Variants in TMEM232 observed in about 807,000 individuals in gnomAD.
The protein encoded by TMEM232 is transmembrane protein 232.
Under a neutral mutation model 78.8 loss-of-function variants are expected in TMEM232, and 80 were observed. The observed-to-expected ratio is 1.01, with a 90% CI of 0.85 to 1.22. TMEM232 has a LOEUF of 1.22. Ranked by LOEUF, TMEM232 falls within the 50% of genes most tolerant of loss-of-function variation. The probability of loss-of-function intolerance (pLI) is 0.00; values close to 1 mark genes in which losing one functional copy is unlikely to be tolerated. For missense variants in TMEM232, 881 were observed against 742.2 expected, an observed-to-expected ratio of 1.19 and a Z score of -2.17; for synonymous variants, 297 against 254.3, an observed-to-expected ratio of 1.17 and a Z score of -1.60.
intron 1 of TMEM232, among the ~76,000 whole-genome samples, chr5:110,720,218 C>A (rs1215097258): frequency 6.6e-6 from 1 of 152,030 alleles, no homozygotes; most frequent in Non-Finnish European, 1.5e-5. Flanking sequence ...TCTTGGCTTG[C>A]CTCTTCTCTT....
chr5:110,614,615 C>T (rs1376011517), intron 8 of TMEM232, among the ~76,000 whole-genome samples: 1 of 152,004 alleles, frequency 6.6e-6, no homozygotes, highest in African/African-American at 2.4e-5. Flanking sequence ...ACTGTTTCTG[C>T]AATCATTTAT....
At chr5:110,515,757 T>C (rs1252408355) in intron 12 of TMEM232, among the ~76,000 whole-genome samples, 2 of 152,232 alleles carry the variant, frequency 1.3e-5, no homozygotes, top group African/African-American at 4.8e-5. Context: ...CTCCTGCTTC[T>C]ACTACTACGG....
intron 1 of TMEM232, among the ~76,000 whole-genome samples, chr5:110,692,276 T>G (rs1275233377): frequency 6.6e-6 from 1 of 152,126 alleles, no homozygotes; most frequent in Non-Finnish European, 1.5e-5. Flanking sequence ...GTCCTCAAAC[T>G]TGGATCAGAA....
chr5:110,738,879 C>A, upstream of TMEM232: 1 of 979,128 alleles, frequency 1.0e-6, no homozygotes, highest in Non-Finnish European at 1.4e-6. Context: ...TCCCTAACGA[C>A]AACAAACTTT....
intron 11 of TMEM232, among the ~76,000 whole-genome samples, chr5:110,546,596 T>C (rs987200389): frequency 5.3e-5 from 8 of 152,138 alleles, no homozygotes; most frequent in African/African-American, 7.2e-5. Context: ...GAACAAAGGT[T>C]GTGCCATAAA....
At chr5:110,390,323 G>A (rs887391898) in intron 4 of TMEM232, 1 of 152,178 alleles carries the variant, frequency 6.6e-6, no homozygotes, top group African/African-American at 2.4e-5. Context: ...TCTACTCCCT[G>A]CCAGTGAAAA....
At chr5:110,527,287 G>A (rs1770737841) in intron 12 of TMEM232, among the ~76,000 whole-genome samples, 1 of 151,764 alleles carries the variant, frequency 6.6e-6, no homozygotes, top group Non-Finnish European at 1.5e-5. Flanking sequence ...AATATACTGT[G>A]GCAATAGTTA....
chr5:110,670,190 T>C (rs1045505353), intron 1 of TMEM232, among the ~76,000 whole-genome samples: 1 of 152,158 alleles, frequency 6.6e-6, no homozygotes, highest in African/African-American at 2.4e-5. Flanking sequence ...GGAAGTCAAA[T>C]TGTCCCTGTT....
At chr5:110,498,211 G>A (rs1052180823) in intron 12 of TMEM232, among the ~76,000 whole-genome samples, 2 of 152,060 alleles carry the variant, frequency 1.3e-5, no homozygotes, top group East Asian at 1.9e-4. Context: ...AGTTCAAGAA[G>A]AAAATTACAA....
chr5:110,686,370 G>C (rs1793404482), intron 1 of TMEM232, among the ~76,000 whole-genome samples: 1 of 151,952 alleles, frequency 6.6e-6, no homozygotes, highest in South Asian at 2.1e-4. Context: ...CAGGTTTATA[G>C]TTCTAACCAA....
chr5:110,475,105 C>A (rs1254955479), intron 12 of TMEM232, among the ~76,000 whole-genome samples: 1 of 151,890 alleles, frequency 6.6e-6, no homozygotes, highest in Non-Finnish European at 1.5e-5. Context: ...CACACAGTCA[C>A]ATAAATTAAA....
intron 10 of TMEM232, among the ~76,000 whole-genome samples, chr5:110,575,813 C>T (rs1003285318): frequency 2.6e-5 from 4 of 151,946 alleles, no homozygotes; most frequent in African/African-American, 9.7e-5. Context: ...GGAGATACAT[C>T]ATGAATCCCC....
At chr5:110,408,402 G>A (rs1248973735) in intron 2 of TMEM232, among the ~76,000 whole-genome samples, 1 of 152,100 alleles carries the variant, frequency 6.6e-6, no homozygotes, top group African/African-American at 2.4e-5. Context: ...CACCAGCCTG[G>A]CCAATCTGGT....
chr5:110,428,128 C>T (rs1392949846), intron 12 of TMEM232, among the ~76,000 whole-genome samples: 2 of 151,832 alleles, frequency 1.3e-5, no homozygotes, highest in East Asian at 1.9e-4. Flanking sequence ...TCCTACCTTT[C>T]CCCCAACCCC....
At chr5:110,535,891 C>T (rs1772273948) in intron 11 of TMEM232, among the ~76,000 whole-genome samples, 1 of 152,276 alleles carries the variant, frequency 6.6e-6, no homozygotes, top group African/African-American at 2.4e-5. Context: ...AATCAAAACG[C>T]CAACTTTCCA....
chr5:110,649,138 T>C (rs552482126), intron 2 of TMEM232, among the ~76,000 whole-genome samples: 1 of 152,122 alleles, frequency 6.6e-6, no homozygotes, highest in South Asian at 2.1e-4. Flanking sequence ...ATACAAACAA[T>C]ATAGACGATC....
intron 10 of TMEM232, among the ~76,000 whole-genome samples, chr5:110,578,851 A>T (rs1777853975): frequency 6.6e-6 from 1 of 151,876 alleles, no homozygotes; most frequent in Non-Finnish European, 1.5e-5. Flanking sequence ...TTAGCATGTA[A>T]ATCTAGCCAC....
intron 1 of TMEM232, among the ~76,000 whole-genome samples, chr5:110,672,127 T>G (rs757772704): frequency 1.3e-5 from 2 of 152,206 alleles, no homozygotes; most frequent in African/African-American, 2.4e-5. Flanking sequence ...AGCTTTTGGC[T>G]ATTTCTTGAG....
chr5:110,460,047 G>A (rs1761327899), intron 12 of TMEM232, among the ~76,000 whole-genome samples: 1 of 152,136 alleles, frequency 6.6e-6, no homozygotes, highest in South Asian at 2.1e-4. Flanking sequence ...TGCAGTGTGT[G>A]ATCCTGGACT....
Sources: gnomAD v4.1 joint callset for allele counts (sites outside exome capture counted in the v4.1 genomes callset) on GRCh38, gnomAD v4.1.1 for gene constraint, MANE v1.5 for transcripts, NCBI Gene and HGNC (gene_info 2026-07-23, HGNC 2026-07-21) for gene names.